Variants in DMXL1 observed in about 807,000 individuals in gnomAD.
DMXL1 encodes Dmx like 1, also known as dmX-like protein 1.
Under a neutral mutation model 319.2 loss-of-function variants are expected in DMXL1, and 99 were observed. The observed-to-expected ratio is 0.31, with a 90% confidence interval of 0.26 to 0.37. The LOEUF (loss-of-function observed/expected upper bound fraction) is 0.37, where lower values mean the gene tolerates loss of function less well. DMXL1 is among the 10% of genes least tolerant of loss of function. The pLI is 1.00. For synonymous variants in DMXL1, 1,385 were observed against 1,235.2 expected, an observed-to-expected ratio of 1.12 and a Z score of -2.54; for missense variants, 3,745 against 3,595.6, an observed-to-expected ratio of 1.04 and a Z score of -1.06.
intron 10 of DMXL1, among the ~76,000 whole-genome samples, chr5:119,130,692 T>G: frequency 6.6e-6 from 1 of 152,160 alleles, no homozygotes; most frequent in East Asian, 1.9e-4. Flanking sequence ...CATATCATTG[T>G]ATTTAACGGC....
Position 119,121,014 on chromosome 5 carries a change from C to A in DMXL1, c.977C>A (p.Ala326Asp). 6.2e-7 allele frequency: 1 copy of A among 1,613,332 alleles called. No individual in the cohort carries two copies. The highest frequency in any genetic ancestry group is 1.1e-5 in the South Asian group (1 of 90,914). ...CGTAGAGGTCGGAGGAGATCACTTG[C>A]TCTTGTAGCACATACGGGATATCTA... Reference protein sequence around the residue: ...HFRRGRRRSLALVAHTGYLPH... With the variant: ...HFRRGRRRSLDLVAHTGYLPH... The change falls in exon 9 of 44, where the codon GCT becomes GAT. Residue 326 changes from alanine (A) to aspartate (D), a missense_variant. By Grantham distance (126) the Ala-to-Asp change is moderately radical. Transcript: ENST00000539542.
intron 1 of DMXL1, among the ~76,000 whole-genome samples, chr5:119,076,288 G>A (rs111833301): frequency 2.4e-4 from 37 of 152,256 alleles, no homozygotes; most frequent in African/African-American, 8.7e-4. Flanking sequence ...ATAAGTAGTC[G>A]TCTTCAGCTT....
intron 32 of DMXL1, among the ~76,000 whole-genome samples, chr5:119,202,871 A>ATG (rs1247780973): frequency 2.7e-5 from 3 of 111,432 alleles, no homozygotes; most frequent in African/African-American, 9.9e-5. Flanking sequence ...ATACATATAT[A>ATG]TATATATATA....
At chr5:119,130,354 T>C (rs1199060242) in intron 10 of DMXL1, among the ~76,000 whole-genome samples, 1 of 150,918 alleles carries the variant, frequency 6.6e-6, no homozygotes, top group African/African-American at 2.4e-5. Flanking sequence ...TGTTTGTTTG[T>C]TTTTTTTTGA....
intron 28 of DMXL1, among the ~76,000 whole-genome samples, chr5:119,179,503 G>A (rs983671620): frequency 2.6e-5 from 4 of 152,072 alleles, no homozygotes; most frequent in East Asian, 1.9e-4. Context: ...AATAAGAAAA[G>A]CTTGAATTTG....
Position 119,121,150 on chromosome 5 carries a change from A to T in DMXL1, c.1102+11A>T. ...TCAACCCAGCCACAGGTAATGAAACATTGTTCAAAACATGTTTCTGAAATT... is the reference window on the plus strand; with the variant it reads ...TCAACCCAGCCACAGGTAATGAAACTTTGTTCAAAACATGTTTCTGAAATT... On this transcript the variant is annotated intron_variant, in intron 9 of 43. Transcript: ENST00000539542. 1 of 1,580,322 alleles carries T rather than the reference A, an allele frequency of 6.3e-7. No homozygotes were observed.
rs1195816094 is a variant in DMXL1, at chr5:119,193,597, G to A, written c.7315-231G>A. 2.0e-5 allele frequency among the ~76,000 whole-genome samples: 3 copies of A among 151,958 alleles called. No homozygotes were observed. In the East Asian group the frequency reaches 5.8e-4, roughly 29 times the overall value. On this transcript the variant is annotated intron_variant, in intron 29 of 43. Transcript: ENST00000539542. ...ATCTGTCTTAAAAATTCTTAAATCC[G>A]GTAGAATTCTTGCCGCACAGTGGAT...
intron 1 of DMXL1, among the ~76,000 whole-genome samples, chr5:119,088,110 T>G (rs1295206028): frequency 1.3e-5 from 2 of 152,200 alleles, no homozygotes; most frequent in Non-Finnish European, 2.9e-5. Context: ...CAGTGTTTGC[T>G]TTATATGCTT....
chr5:119,221,036 C>T lies in DMXL1; in HGVS notation c.8232C>T (p.Asn2744=). 1 of 1,613,812 alleles carries T rather than the reference C, an allele frequency of 6.2e-7. No homozygotes were observed. ...YTHSNPGTPI[N]MPWLGSTQTG... is the part of the protein sequence containing the mutation. ...ATAGCAATCCTGGCACTCCAATCAA[C>T]ATGCCATGGCTTGGTAGTACACAGA... The change falls in exon 37 of 44, where the codon AAC becomes AAT. Residue 2744 remains asparagine (N), a synonymous_variant. Coordinates refer to ENST00000539542, the MANE Select transcript of DMXL1 (RefSeq NM_001290321.3).
intron 30 of DMXL1, among the ~76,000 whole-genome samples, chr5:119,195,631 A>C (rs1231102950): frequency 1.3e-5 from 2 of 152,200 alleles, no homozygotes; most frequent in Non-Finnish European, 2.9e-5. Flanking sequence ...GATGAAAGGA[A>C]TTCTGGAGTT....
At position 119,147,337 on chromosome 5, in the gene DMXL1, T is replaced by C. The variant is rs1374520925; in HGVS notation, c.2778T>C (p.Phe926=). 1 of 1,613,614 alleles carries C rather than the reference T, an allele frequency of 6.2e-7. No individual in the cohort carries two copies. Among genetic ancestry groups the C allele is most frequent in the Admixed American group, 1.7e-5 (1 of 59,908 alleles). ...CTCCAGAGAAGATCCTATCTCCTTT[T>C]TCACAAAAGTATCAGGCTTGCAGAG... ...SSSPEKILSP[F]SQKYQACRAN... The change falls in exon 17 of 44, where the codon TTT becomes TTC. Residue 926 remains phenylalanine, a synonymous_variant. Coordinates refer to ENST00000539542, the MANE Select transcript of DMXL1 (RefSeq NM_001290321.3).
In DMXL1 at chr5:119,149,146, G is replaced by T. The variant is rs139864710; in HGVS notation, c.3319G>T (p.Asp1107Tyr). ...TTTAGATGAGTTAAGCACAGTATTG[G>T]ATTCTGGCATTAGTGTTGATAGCAA... is the stretch of plus-strand genomic sequence containing the variant. The part of the protein sequence containing the change: ...IHLDELSTVL[D>Y]SGISVDSNLV... Residue 1107 changes from aspartate to tyrosine, a missense_variant, in exon 18 of 44, where the codon GAT (aspartate) becomes TAT (tyrosine). By Grantham distance (160) the Asp-to-Tyr change is radical. This residue lies in a region of DMXL1 where 2,096 missense variants were observed against 1,985.4 expected (regional missense o/e 1.06). Transcript: ENST00000539542. The T allele has an allele frequency of 6.3e-4, 1,009 of 1,613,840 alleles. 4 individuals carry two copies. In the African/African-American group the frequency reaches 0.012, roughly 19 times the overall value.
At chr5:119,121,959 T>G (rs1276202866) in intron 9 of DMXL1, among the ~76,000 whole-genome samples, 144 of 75,954 alleles carry the variant, frequency 1.9e-3, no homozygotes, top group Middle Eastern at 9.4e-3. Flanking sequence ...CCGGGCAGAG[T>G]GGCTCCTCAC....
chr5:119,218,662 G>C (rs568547271), intron 35 of DMXL1, among the ~76,000 whole-genome samples: 1 of 152,078 alleles, frequency 6.6e-6, no homozygotes, highest in South Asian at 2.1e-4. Flanking sequence ...TCACCATGTT[G>C]GTTGGCCAGG....
rs1768171996 is a variant in DMXL1, at chr5:119,144,853, T to C, written c.2569+215T>C. ...TAAAGGGGCATCTTGGTTGTATGTT[T>C]TTTAAACTGCATAATAGAAATGCTT... On this transcript the variant is annotated intron_variant, in intron 15 of 43. Coordinates refer to ENST00000539542, the MANE Select transcript of DMXL1 (RefSeq NM_001290321.3). Among the ~76,000 whole-genome samples, 3 of 151,910 alleles carry C rather than the reference T, an allele frequency of 2.0e-5. No individual in the cohort carries two copies. In the South Asian group the frequency reaches 6.2e-4, roughly 31 times the overall value.
rs1312546895 is a variant in DMXL1, at chr5:119,082,056, CAT to C, written c.87+10402_87+10403del. On this transcript the variant is annotated intron_variant, in intron 1 of 43. Transcript: ENST00000539542. ...ACACACACACACACACACACACACA[CAT>C]ACACGTATATACATGTTCTTAGAAT... Among the ~76,000 whole-genome samples, 178 of 145,068 alleles carry C rather than the reference CAT, an allele frequency of 1.2e-3. 3 individuals carry two copies. In the South Asian group the frequency reaches 0.021, roughly 17 times the overall value.
chr5:119,133,800 A>G lies in DMXL1; in HGVS notation c.1876A>G (p.Ser626Gly). 2 of 1,614,128 alleles carry G rather than the reference A, an allele frequency of 1.2e-6. No individual in the cohort carries two copies. Among genetic ancestry groups the G allele is most frequent in the Non-Finnish European group, 1.7e-6 (2 of 1,180,026 alleles). ...AEESAFSTVL[S>G]ISHKSRYCGH... ...GGAATCTGCTTTTTCTACTGTTCTC[A>G]GTATTTCCCACAAATCCAGATATTG... Residue 626 changes from serine to glycine, a missense_variant, in exon 12 of 44, where the codon AGT becomes GGT. Ser to Gly is a moderately conservative substitution (Grantham distance 56). Around this residue, in one of 4 missense-constraint regions of DMXL1, gnomAD observed 2,096 missense variants for 1,985.4 expected, o/e 1.06. Coordinates refer to ENST00000539542, the MANE Select transcript of DMXL1 (RefSeq NM_001290321.3).
At chr5:119,199,955 C>T (rs944726974) in intron 32 of DMXL1, among the ~76,000 whole-genome samples, 33 of 152,078 alleles carry the variant, frequency 2.2e-4, no homozygotes, top group African/African-American at 4.8e-5. Context: ...GGTTGAAGTT[C>T]GTTATAGATG....
At chr5:119,202,733 C>A (rs965591498) in intron 32 of DMXL1, among the ~76,000 whole-genome samples, 1 of 151,210 alleles carries the variant, frequency 6.6e-6, no homozygotes, top group African/African-American at 2.4e-5. Context: ...TGCCTGTAAT[C>A]CCAGCTACTC....
Sources: gnomAD v4.1 joint callset for allele counts (sites outside exome capture counted in the v4.1 genomes callset) on GRCh38, gnomAD v4.1.1 for gene constraint, gnomAD v4.1.1 regional missense constraint, MANE v1.5 for transcripts, NCBI Gene and HGNC (gene_info 2026-07-23, HGNC 2026-07-21) for gene names.